Variants in HCN1 observed in about 807,000 individuals in gnomAD.
The protein encoded by HCN1 is potassium/sodium hyperpolarization-activated cyclic nucleotide-gated channel 1.
In HCN1, 13 loss-of-function variants were observed where a neutral mutation model predicts 78.9. The ratio of observed to expected loss-of-function variants is 0.16; its 90% CI spans 0.11 to 0.26. The LOEUF (loss-of-function observed/expected upper bound fraction) is 0.26, where lower values mean the gene tolerates loss of function less well. HCN1 is among the 10% of genes least tolerant of loss of function. HCN1 has a pLI of 1.00. For missense variants in HCN1, 810 were observed against 1,154.3 expected, an observed-to-expected ratio of 0.70 and a Z score of 4.32; for synonymous variants, 552 against 455.5, an observed-to-expected ratio of 1.21 and a Z score of -2.70.
intron 2 of HCN1, among the ~76,000 whole-genome samples, chr5:45,491,907 T>A (rs1445344573): frequency 2.6e-5 from 4 of 152,168 alleles, no homozygotes; most frequent in Non-Finnish European, 4.4e-5. Context: ...TATTCCTAAA[T>A]GATTAATAAG....
At chr5:45,687,937 G>T (rs1739839563) in intron 1 of HCN1, among the ~76,000 whole-genome samples, 2 of 152,100 alleles carry the variant, frequency 1.3e-5, no homozygotes, top group African/African-American at 2.4e-5. Context: ...GTGAGCACAG[G>T]GAGTTCTGTA....
chr5:45,298,602 A>G (rs1287054721), intron 6 of HCN1, among the ~76,000 whole-genome samples: 2 of 152,082 alleles, frequency 1.3e-5, no homozygotes, highest in Non-Finnish European at 2.9e-5. Context: ...CCCAAATTAT[A>G]AAATAAATAT....
At chr5:45,570,106 C>T (rs1291650446) in intron 2 of HCN1, among the ~76,000 whole-genome samples, 1 of 152,006 alleles carries the variant, frequency 6.6e-6, no homozygotes, top group African/African-American at 2.4e-5. Flanking sequence ...TTTTTAATTA[C>T]CAAAGCTATA....
intron 3 of HCN1, among the ~76,000 whole-genome samples, chr5:45,402,889 C>T (rs1280070990): frequency 6.8e-6 from 1 of 146,706 alleles, no homozygotes; most frequent in Non-Finnish European, 1.5e-5. Flanking sequence ...TCCCTCCCTC[C>T]CTCCTTTTCT....
intron 6 of HCN1, among the ~76,000 whole-genome samples, chr5:45,295,637 C>T (rs1745474849): frequency 1.3e-5 from 2 of 151,978 alleles, no homozygotes; most frequent in South Asian, 2.1e-4. Flanking sequence ...TTTGATCTTT[C>T]TTTAAATAAG....
At chr5:45,623,559 G>A (rs1239739301) in intron 2 of HCN1, among the ~76,000 whole-genome samples, 1 of 152,142 alleles carries the variant, frequency 6.6e-6, no homozygotes, top group Non-Finnish European at 1.5e-5. Context: ...TAAAAAGGCA[G>A]TTCTTCTTTC....
intron 2 of HCN1, among the ~76,000 whole-genome samples, chr5:45,586,378 C>T (rs1744226431): frequency 6.6e-6 from 1 of 152,110 alleles, no homozygotes; most frequent in Admixed American, 6.5e-5. Context: ...TGGAAAAGCA[C>T]AGTATTAGGG....
intron 2 of HCN1, among the ~76,000 whole-genome samples, chr5:45,540,563 C>T (rs891869725): frequency 6.6e-6 from 1 of 152,220 alleles, no homozygotes; most frequent in African/African-American, 2.4e-5. Context: ...CTTCTGTACT[C>T]AAGGGATCTA....
At chr5:45,397,241 C>A (rs934899193) in intron 3 of HCN1, among the ~76,000 whole-genome samples, 1 of 152,146 alleles carries the variant, frequency 6.6e-6, no homozygotes, top group South Asian at 2.1e-4. Context: ...AAATACAGGT[C>A]TGATAAATGG....
intron 3 of HCN1, among the ~76,000 whole-genome samples, chr5:45,459,765 C>T (rs2111620929): frequency 6.6e-6 from 1 of 151,750 alleles, no homozygotes; most frequent in African/African-American, 2.4e-5. Flanking sequence ...AATTTTTTAC[C>T]AAATTAAATA....
In HCN1 at chr5:45,303,758, T is replaced by G. The variant is rs1407054365; in HGVS notation, c.1459A>C (p.Met487Leu). The G allele has an allele frequency of 1.3e-5, 21 of 1,613,710 alleles. No homozygotes were observed. Among genetic ancestry groups the G allele is most frequent in the Non-Finnish European group, 1.8e-5 (21 of 1,179,798 alleles). Residue 487 changes from methionine (M) to leucine (L), a missense_variant, in exon 6 of 8, where the codon ATG becomes CTG. This residue lies in a region of HCN1 where 100 missense variants were observed against 126.8 expected (regional missense o/e 0.79). Coordinates refer to ENST00000303230, the MANE Select transcript of HCN1 (RefSeq NM_021072.4). ...ACCTCAAATCTCAACTTGCTCAGCA[T>G]GGCAGTCACAAAATTAGGATCCGCA... Reference protein sequence around the residue: ...ANADPNFVTAMLSKLRFEVFQ... With the variant: ...ANADPNFVTALLSKLRFEVFQ...
At chr5:45,471,092 T>C (rs1333131497) in intron 2 of HCN1, among the ~76,000 whole-genome samples, 1 of 151,972 alleles carries the variant, frequency 6.6e-6, no homozygotes, top group African/African-American at 2.4e-5. Flanking sequence ...TCCCAGATAC[T>C]TAAAGACTTG....
At chr5:45,499,098 G>C (rs567685826) in intron 2 of HCN1, among the ~76,000 whole-genome samples, 1 of 152,274 alleles carries the variant, frequency 6.6e-6, no homozygotes, top group South Asian at 2.1e-4. Context: ...CTTGAGCTGT[G>C]GTGGGCTCCA....
rs901925811 is a variant in HCN1, at chr5:45,259,966, T to C, written c.*1955A>G. On this transcript the variant is annotated 3_prime_UTR_variant, in exon 8 of 8. Coordinates refer to ENST00000303230, the MANE Select transcript of HCN1 (RefSeq NM_021072.4). Reference sequence around the variant, plus strand: ...ACAGTATTCCTGACATGCCATCATATGTCACCAGCATATTGATGATTACAT... The same window carrying C: ...ACAGTATTCCTGACATGCCATCATACGTCACCAGCATATTGATGATTACAT... The C allele has an allele frequency of 6.6e-6, 1 of 152,646 alleles. No homozygotes were observed. The highest frequency in any genetic ancestry group is 1.5e-5 in the Non-Finnish European group (1 of 68,038). 9.5% of individuals were successfully genotyped at this position (152,646 alleles called of 1,614,324 possible). A position where few individuals can be genotyped will look rare whatever the true frequency, so the allele number is the denominator to read the frequency against.
intron 1 of HCN1, among the ~76,000 whole-genome samples, chr5:45,682,640 A>C (rs1191676726): frequency 1.3e-5 from 2 of 152,068 alleles, no homozygotes; most frequent in Non-Finnish European, 2.9e-5. Flanking sequence ...AAAAACAAAC[A>C]AACAAAAAAA....
At chr5:45,670,690 C>CT (rs1746133410) in intron 1 of HCN1, among the ~76,000 whole-genome samples, 1 of 151,616 alleles carries the variant, frequency 6.6e-6, no homozygotes, top group Non-Finnish European at 1.5e-5. Context: ...AACTTTATTG[C>CT]TTTAGGATCT....
chr5:45,677,977 TACACACACACATACACACACACAC>T (rs1554039147), intron 1 of HCN1, among the ~76,000 whole-genome samples: 3 of 145,146 alleles, frequency 2.1e-5, no homozygotes, highest in Admixed American at 2.1e-4. Flanking sequence ...ATTAAACACA[TACACACACACATACACACACACAC>T]ACACACACAC....
rs188009443 is a variant in HCN1, at chr5:45,371,922, A to G, written c.1231-18676T>C. ...CATTATATTATAAAAAATATATAAT[A>G]TACATTATATTATATATAATATATA... On this transcript the variant is annotated intron_variant, in intron 4 of 7. Transcript: ENST00000303230. Among the ~76,000 whole-genome samples, 33 of 108,020 alleles carry G rather than the reference A, an allele frequency of 3.1e-4. 1 individual carries two copies. The highest frequency in any genetic ancestry group is 1.0e-3 in the African/African-American group (29 of 28,120). The allele number at this position is 108,020 out of a possible 152,430, so 70.9% of individuals were successfully genotyped here. A position where few individuals can be genotyped will look rare whatever the true frequency, so the allele number is the denominator to read the frequency against.
At chr5:45,663,951 T>C (rs1164605482) in intron 1 of HCN1, among the ~76,000 whole-genome samples, 1 of 144,236 alleles carries the variant, frequency 6.9e-6, no homozygotes, top group Non-Finnish European at 1.5e-5. Context: ...AGCCATCCCA[T>C]TACTGGGTAT....
Sources: allele counts gnomAD v4.1 joint callset (sites outside exome capture counted in the v4.1 genomes callset), GRCh38; gene constraint gnomAD v4.1.1; regional missense constraint gnomAD v4.1.1; transcripts MANE v1.5; gene names NCBI Gene and HGNC (gene_info 2026-07-23, HGNC 2026-07-21).